PXDC1: variants seen among roughly 807,000 people sequenced by gnomAD.
PXDC1 encodes the protein PX domain containing 1, also known as PX domain-containing protein 1.
PXDC1 carries 13 observed loss-of-function variants against 24.4 expected under a neutral mutation model. The ratio of observed to expected loss-of-function variants is 0.53; its 90% CI spans 0.35 to 0.85. The LOEUF (loss-of-function observed/expected upper bound fraction) is 0.85. Among genes scored for constraint, PXDC1 ranks in the 40% least tolerant of loss-of-function variants. The probability of loss-of-function intolerance (pLI) is 0.01; values close to 1 mark genes in which losing one functional copy is unlikely to be tolerated. For missense variants in PXDC1, 344 were observed against 309.3 expected, an observed-to-expected ratio of 1.11 and a Z score of -0.84; for synonymous variants, 162 against 124.9, an observed-to-expected ratio of 1.30 and a Z score of -1.98.
At position 3,738,075 on chromosome 6, in the gene PXDC1, G is replaced by A. The variant is rs1432032849; in HGVS notation, c.330C>T (p.Ile110=). 6.2e-7 allele frequency: 1 copy of A among 1,614,046 alleles called. No individual in the cohort carries two copies. Among genetic ancestry groups the A allele is most frequent in the East Asian group, 2.2e-5 (1 of 44,866 alleles). Residue 110 remains isoleucine (I), a synonymous_variant, in exon 2 of 5, where the codon ATC becomes ATT. Coordinates refer to ENST00000380283, the MANE Select transcript of PXDC1 (RefSeq NM_183373.4). ...CACTCACTTTACAGGGCATGCTTAT[G>A]ATCGTCTTCAGCAGCTTCTCCACCT... is the stretch of plus-strand genomic sequence containing the variant. ...LNEVEKLLKT[I]ISMPCKYSRS... is the part of the protein sequence containing the mutation.
In PXDC1 at chr6:3,737,976, G is replaced by T; in HGVS notation, c.348+81C>A. ...GACAGAGCAAGCAAGTCAACCCTCC[G>T]GGGGGATGGACGCCTTTCGCATTTG... is the stretch of plus-strand genomic sequence containing the variant. On this transcript the variant is annotated intron_variant, in intron 2 of 4. Transcript: ENST00000380283. The surrounding 1 kb of genome is among the most constrained non-coding windows in gnomAD (Gnocchi z 5.5). The T allele has an allele frequency of 2.6e-6, 3 of 1,170,060 alleles. No homozygotes were observed. Among genetic ancestry groups the T allele is most frequent in the South Asian group, 1.3e-5 (1 of 79,526 alleles). The allele number at this position is 1,170,060 out of a possible 1,614,324, so 72.5% of individuals were successfully genotyped here.
intron 1 of PXDC1, among the ~76,000 whole-genome samples, chr6:3,746,776 T>C (rs999495338): frequency 6.6e-6 from 1 of 152,162 alleles, no homozygotes; most frequent in African/African-American, 2.4e-5. Context: ...TTCTCCCTTA[T>C]GTTTCAGGGT....
chr6:3,724,290 C>T lies in PXDC1; in HGVS notation c.579-554G>A, dbSNP rs1314731256. On this transcript the variant is annotated intron_variant, in intron 4 of 4. Coordinates refer to ENST00000380283, the MANE Select transcript of PXDC1 (RefSeq NM_183373.4). This position sits in a 1 kb window ranked among gnomAD's most constrained non-coding sequence, Gnocchi z 4.5. ...TGCATGTGGGTACGTGTTTCATTCG[C>T]GCTCTGGCAGATGAGAAGCATCCGA... Among the ~76,000 whole-genome samples, 2 of 152,002 alleles carry T rather than the reference C, an allele frequency of 1.3e-5. No individual in the cohort carries two copies. Among genetic ancestry groups the T allele is most frequent in the Non-Finnish European group, 2.9e-5 (2 of 67,988 alleles).
At chr6:3,735,015 G>A (rs1760283767) in intron 3 of PXDC1, among the ~76,000 whole-genome samples, 1 of 152,044 alleles carries the variant, frequency 6.6e-6, no homozygotes, top group African/African-American at 2.4e-5. Context: ...AGCTGTAACT[G>A]CACCACCGCA....
intron 3 of PXDC1, among the ~76,000 whole-genome samples, chr6:3,729,522 G>A (rs1001080991): frequency 1.3e-5 from 2 of 152,170 alleles, no homozygotes; most frequent in Admixed American, 6.5e-5. Context: ...GGAGCTCTGC[G>A]AAGCAAAGAG....
At chr6:3,727,203 A>G (rs1760088762) in intron 4 of PXDC1, among the ~76,000 whole-genome samples, 1 of 152,208 alleles carries the variant, frequency 6.6e-6, no homozygotes, top group African/African-American at 2.4e-5. Flanking sequence ...TGAGGCAAAC[A>G]TGTCCCCATC....
chr6:3,739,879 T>G (rs183730976), intron 1 of PXDC1, among the ~76,000 whole-genome samples: 23 of 152,364 alleles, frequency 1.5e-4, no homozygotes, highest in Admixed American at 7.8e-4. Flanking sequence ...TTTGATCCCC[T>G]GCTTGCTCAG....
At chr6:3,745,605 G>T (rs890576777) in intron 1 of PXDC1, among the ~76,000 whole-genome samples, 1 of 150,396 alleles carries the variant, frequency 6.6e-6, no homozygotes, top group African/African-American at 2.4e-5. Flanking sequence ...GCCTGACTGT[G>T]TTCCCAGGTG....
At chr6:3,726,117 T>C (rs1013006052) in intron 4 of PXDC1, among the ~76,000 whole-genome samples, 1 of 152,166 alleles carries the variant, frequency 6.6e-6, no homozygotes, top group Admixed American at 6.5e-5. Context: ...CAAGGGCCTC[T>C]TGGATATAGA....
chr6:3,743,367 C>G (rs1760491752), intron 1 of PXDC1, among the ~76,000 whole-genome samples: 1 of 152,098 alleles, frequency 6.6e-6, no homozygotes, highest in African/African-American at 2.4e-5. Flanking sequence ...CAAACTGAGT[C>G]AAACCATAAA....
chr6:3,750,969 C>A, intron 1 of PXDC1: 1 of 343,400 alleles, frequency 2.9e-6, no homozygotes, highest in Non-Finnish European at 5.3e-6. Flanking sequence ...CCCGGGCGCC[C>A]CCGCCCTCCT....
chr6:3,741,152 T>A (rs2127601107), intron 1 of PXDC1, among the ~76,000 whole-genome samples: 1 of 152,356 alleles, frequency 6.6e-6, no homozygotes, highest in East Asian at 1.9e-4. Context: ...AGCAGCAGGC[T>A]CTTCGGTCAC....
intron 3 of PXDC1, among the ~76,000 whole-genome samples, chr6:3,736,146 T>C (rs1760309932): frequency 6.6e-6 from 1 of 152,200 alleles, no homozygotes; most frequent in Non-Finnish European, 1.5e-5. Context: ...CACTGTCCTC[T>C]GGTCTCCCAA....
At chr6:3,738,989 C>A in intron 1 of PXDC1, 1 of 1,279,354 alleles carries the variant, frequency 7.8e-7, no homozygotes, top group South Asian at 1.3e-5. Context: ...GTGATTAAAC[C>A]ACAAAGGCTT....
chr6:3,748,496 A>G (rs1760620260), intron 1 of PXDC1, among the ~76,000 whole-genome samples: 1 of 152,112 alleles, frequency 6.6e-6, no homozygotes, highest in African/African-American at 2.4e-5. Context: ...GGATTGACAT[A>G]TCCCTGCAGA....
chr6:3,728,759 A>G lies in PXDC1; in HGVS notation c.467-1097T>C, dbSNP rs1760128149. ...CATGCCATCTGGTCCATCTAGGTAT[A>G]AAAAGCTGCAGCGTTCGTTTGTATT... On this transcript the variant is annotated intron_variant, in intron 3 of 4. Coordinates refer to ENST00000380283, the MANE Select transcript of PXDC1 (RefSeq NM_183373.4). The surrounding 1 kb of genome is among the most constrained non-coding windows in gnomAD (Gnocchi z 4.0). 6.6e-6 allele frequency among the ~76,000 whole-genome samples: 1 copy of G among 152,168 alleles called. No homozygotes were observed. The highest frequency in any genetic ancestry group is 1.5e-5 in the Non-Finnish European group (1 of 68,042).
intron 3 of PXDC1, 31 bp from the exon 4 acceptor site, chr6:3,727,693 A>G (rs764155436): frequency 6.8e-7 from 1 of 1,464,666 alleles, no homozygotes; most frequent in South Asian, 1.1e-5. Flanking sequence ...GTGAGTCCTC[A>G]GGAGGGGTCG....
In PXDC1 at chr6:3,728,442, A is replaced by G. The variant is rs531315811; in HGVS notation, c.467-780T>C. Among the ~76,000 whole-genome samples, 10 of 152,200 alleles carry G rather than the reference A, an allele frequency of 6.6e-5. No homozygotes were observed. Among genetic ancestry groups the G allele is most frequent in the African/African-American group, 2.2e-4 (9 of 41,522 alleles). Reference sequence around the variant, plus strand: ...AGGGTGACTTTCACTGTTTCGCTTTATGTAATTCTGTATGTAAATGATTTT... The same window carrying G: ...AGGGTGACTTTCACTGTTTCGCTTTGTGTAATTCTGTATGTAAATGATTTT... On this transcript the variant is annotated intron_variant, in intron 3 of 4. Coordinates refer to ENST00000380283, the MANE Select transcript of PXDC1 (RefSeq NM_183373.4). This position sits in a 1 kb window ranked among gnomAD's most constrained non-coding sequence, Gnocchi z 4.0.
At chr6:3,735,560 G>A (rs1372686583) in intron 3 of PXDC1, among the ~76,000 whole-genome samples, 4 of 152,228 alleles carry the variant, frequency 2.6e-5, no homozygotes, top group Non-Finnish European at 4.4e-5. Flanking sequence ...CTAGAGAAGG[G>A]GAGATCATAG....
Sources: gnomAD v4.1 joint callset for allele counts (sites outside exome capture counted in the v4.1 genomes callset) on GRCh38, gnomAD v4.1.1 for gene constraint, Gnocchi (gnomAD v3.1) non-coding constraint, MANE v1.5 for transcripts, NCBI Gene and HGNC (gene_info 2026-07-23, HGNC 2026-07-21) for gene names.